Variants in PDE10A observed in about 807,000 individuals in gnomAD.
The protein encoded by PDE10A is phosphodiesterase 10A.
PDE10A carries 39 observed loss-of-function variants against 97.7 expected under a neutral mutation model. That is an observed-to-expected ratio of 0.40 (90% confidence interval 0.31 to 0.52). The LOEUF is 0.52. Among genes scored for constraint, PDE10A ranks in the 20% least tolerant of loss-of-function variants. PDE10A has a pLI of 0.56. For synonymous variants in PDE10A, 371 were observed against 376.8 expected (o/e 0.98, Z 0.18); for missense variants, 731 against 1,047.8 (o/e 0.70, Z 4.17).
intron 1 of PDE10A, among the ~76,000 whole-genome samples, chr6:165,632,250 G>A (rs911821346): frequency 4.1e-5 from 6 of 146,586 alleles, no homozygotes; most frequent in East Asian, 2.1e-4. Context: ...TACAGGAAAC[G>A]GAATGAACAC....
At chr6:165,356,671 C>A (rs1783046096) in intron 18 of PDE10A, among the ~76,000 whole-genome samples, 1 of 152,054 alleles carries the variant, frequency 6.6e-6, no homozygotes, top group African/African-American at 2.4e-5. Context: ...ATATTTAGGT[C>A]TCTCATCCAA....
At chr6:165,551,386 G>A (rs1488353252) in intron 1 of PDE10A, among the ~76,000 whole-genome samples, 1 of 152,120 alleles carries the variant, frequency 6.6e-6, no homozygotes, top group Non-Finnish European at 1.5e-5. Context: ...ATAACTGTTG[G>A]CCTACTTTGA....
chr6:165,974,935 T>C (rs1784804409), intron 1 of PDE10A, among the ~76,000 whole-genome samples: 1 of 152,192 alleles, frequency 6.6e-6, no homozygotes, highest in South Asian at 2.1e-4. Flanking sequence ...TGGGAGTGTC[T>C]GCCTTTGGGA....
chr6:165,962,793 G>C (rs962278264), intron 1 of PDE10A, among the ~76,000 whole-genome samples: 4 of 152,150 alleles, frequency 2.6e-5, no homozygotes, highest in African/African-American at 9.7e-5. Flanking sequence ...GGCAGGAATG[G>C]CAGGACCATG....
intron 1 of PDE10A, among the ~76,000 whole-genome samples, chr6:165,897,071 G>A (rs891169857): frequency 6.6e-6 from 1 of 152,112 alleles, no homozygotes; most frequent in Non-Finnish European, 1.5e-5. Context: ...ACAGTCTGTT[G>A]GGCAAAAATA....
chr6:165,637,500 C>T (rs1003717280), intron 1 of PDE10A, among the ~76,000 whole-genome samples: 1 of 152,170 alleles, frequency 6.6e-6, no homozygotes, highest in Admixed American at 6.5e-5. Flanking sequence ...AAATTTTTCA[C>T]ATTTGGCATG....
At chr6:165,502,061 G>A (rs1390387082) in intron 2 of PDE10A, among the ~76,000 whole-genome samples, 1 of 152,152 alleles carries the variant, frequency 6.6e-6, no homozygotes, top group East Asian at 1.9e-4. Flanking sequence ...TTCAACAAAT[G>A]GTGCTGGAAG....
chr6:165,486,906 G>C (rs1333432159), intron 2 of PDE10A, among the ~76,000 whole-genome samples: 1 of 152,226 alleles, frequency 6.6e-6, no homozygotes, highest in Non-Finnish European at 1.5e-5. Flanking sequence ...AGGGTGACGA[G>C]TGAACACTGG....
intron 1 of PDE10A, among the ~76,000 whole-genome samples, chr6:165,599,009 C>T (rs1786776203): frequency 6.6e-6 from 1 of 152,202 alleles, no homozygotes; most frequent in Non-Finnish European, 1.5e-5. Context: ...GAGAAGCTGT[C>T]CTACTATTAG....
At chr6:165,747,795 C>T (rs1360739860) in intron 1 of PDE10A, among the ~76,000 whole-genome samples, 2 of 152,076 alleles carry the variant, frequency 1.3e-5, no homozygotes, top group East Asian at 1.9e-4. Flanking sequence ...CACAGGCAGA[C>T]GGAGGGAAGG....
intron 1 of PDE10A, among the ~76,000 whole-genome samples, chr6:165,561,324 C>T (rs1221472673): frequency 6.6e-6 from 1 of 152,064 alleles, no homozygotes; most frequent in African/African-American, 2.4e-5. Context: ...TTGTAAATTT[C>T]CTGAGGCTGA....
At chr6:165,615,213 A>AT (rs1167887303) in intron 1 of PDE10A, among the ~76,000 whole-genome samples, 1 of 145,514 alleles carries the variant, frequency 6.9e-6, no homozygotes, top group Non-Finnish European at 1.5e-5. Context: ...CCATCTCAGA[A>AT]AAAAAAAAAA....
chr6:165,794,116 T>TACAC lies in PDE10A; in HGVS notation c.-615+193409_-615+193412dup, dbSNP rs34393465. Among the ~76,000 whole-genome samples the TACAC allele has an allele frequency of 4.5e-4, 68 of 150,632 alleles. No homozygotes were observed. In the Middle Eastern group the frequency reaches 0.017, roughly 38 times the overall value. ...GATGCAACATGGTTCTACGCAGGCATACACACACACACACACGCTCACACT... is the reference window on the plus strand; with the variant it reads ...GATGCAACATGGTTCTACGCAGGCATACACACACACACACACACACGCTCACACT... On this transcript the variant is annotated intron_variant, in intron 1 of 19. Coordinates refer to the PDE10A transcript ENST00000366882.
intron 1 of PDE10A, among the ~76,000 whole-genome samples, chr6:165,680,596 G>A (rs574132062): frequency 6.6e-6 from 1 of 152,276 alleles, no homozygotes; most frequent in African/African-American, 2.4e-5. Context: ...ACACAAAAAT[G>A]CATCCTTTTA....
intron 13 of PDE10A, among the ~76,000 whole-genome samples, chr6:165,408,547 T>C (rs1396605614): frequency 6.6e-6 from 1 of 152,210 alleles, no homozygotes. Context: ...GGGATCCCAC[T>C]ATAAAGAAAC....
intron 6 of PDE10A, among the ~76,000 whole-genome samples, chr6:165,434,833 C>A (rs1009927045): frequency 6.6e-6 from 1 of 152,152 alleles, no homozygotes; most frequent in African/African-American, 2.4e-5. Context: ...ATAACCCAGT[C>A]CTTAGATTCA....
intron 1 of PDE10A, among the ~76,000 whole-genome samples, chr6:165,776,858 G>A (rs1215465108): frequency 1.3e-5 from 2 of 152,200 alleles, no homozygotes; most frequent in Admixed American, 6.5e-5. Flanking sequence ...GGCTGAAACC[G>A]TTGCCTGAGT....
At chr6:165,839,928 T>TCTCTCTCCATCC in intron 1 of PDE10A, among the ~76,000 whole-genome samples, 1 of 1,304 alleles carries the variant, frequency 7.7e-4, no homozygotes, top group South Asian at 0.014. Context: ...CAACCTCATC[T>TCTCTCTCCATCC]CCATTCTTAT....
intron 1 of PDE10A, among the ~76,000 whole-genome samples, chr6:165,638,661 T>C (rs1788990455): frequency 6.6e-6 from 1 of 152,220 alleles, no homozygotes; most frequent in Non-Finnish European, 1.5e-5. Context: ...TTAAACTTCA[T>C]CATTAAAATA....
Sources: gnomAD v4.1 joint callset for allele counts (sites outside exome capture counted in the v4.1 genomes callset) on GRCh38, gnomAD v4.1.1 for gene constraint, MANE v1.5 for transcripts, NCBI Gene and HGNC (gene_info 2026-07-23, HGNC 2026-07-21) for gene names.